TMEM184B: variants seen among roughly 807,000 people sequenced by gnomAD.
TMEM184B encodes the protein transmembrane protein 184B, also known as putative MAPK-activating protein FM08.
In TMEM184B, 17 loss-of-function variants were observed where a neutral mutation model predicts 41.8. The ratio of observed to expected loss-of-function variants is 0.41; its 90% confidence interval spans 0.28 to 0.61. TMEM184B has a LOEUF of 0.61. Among genes scored for constraint, TMEM184B ranks in the 20% least tolerant of loss-of-function variants. The pLI is 0.34. For synonymous variants in TMEM184B, 240 were observed against 229.5 expected (o/e 1.05, Z -0.41); for missense variants, 393 against 557.8 (o/e 0.70, Z 2.98).
chr22:38,225,662 C>A lies in TMEM184B; in HGVS notation c.618-69G>T. ...GGGAAGGGGCTCTCCTCGACTGCAC[C>A]ACACACAGTCCCCATGGCTCTCAGC... On this transcript the variant is annotated intron_variant, in intron 6 of 8. Transcript: ENST00000361906. The surrounding 1 kb of genome is among the most constrained non-coding windows in gnomAD (Gnocchi z 4.4). 6.7e-7 allele frequency: 1 copy of A among 1,485,052 alleles called. No homozygotes were observed. Among genetic ancestry groups the A allele is most frequent in the East Asian group, 2.6e-5 (1 of 37,864 alleles). The allele number at this position is 1,485,052 out of a possible 1,614,324, so 92.0% of individuals were successfully genotyped here.
chr22:38,231,939 G>A (rs1020237886), intron 3 of TMEM184B: 1 of 190,062 alleles, frequency 5.3e-6, no homozygotes, highest in Non-Finnish European at 1.1e-5. Context: ...CTCCAGAGTG[G>A]GATCGCACCT....
chr22:38,220,196 C>G lies in TMEM184B; in HGVS notation c.*1273G>C. The G allele has an allele frequency of 1.0e-6, 1 of 985,308 alleles. No individual in the cohort carries two copies. The highest frequency in any genetic ancestry group is 1.2e-6 in the Non-Finnish European group (1 of 829,900). 61.0% of individuals were successfully genotyped at this position (985,308 alleles called of 1,614,324 possible). A position where few individuals can be genotyped will look rare whatever the true frequency, so the allele number is the denominator to read the frequency against. On this transcript the variant is annotated 3_prime_UTR_variant, in exon 9 of 9. Coordinates refer to ENST00000361906, the MANE Select transcript of TMEM184B (RefSeq NM_012264.5). ...CCCAGCCTGCTGGGGGTTCCGGAGG[C>G]CCCAGGTCTAGAGGTGTGGAGGGGG...
At chr22:38,265,595 G>C (rs1186846366) in intron 1 of TMEM184B, among the ~76,000 whole-genome samples, 1 of 152,130 alleles carries the variant, frequency 6.6e-6, no homozygotes, top group Non-Finnish European at 1.5e-5. Flanking sequence ...AGGTTTCAGG[G>C]CAGTTAAAAG....
At position 38,272,953 on chromosome 22, in the gene TMEM184B, GCGGCGCCGCAGCCCCGGAGTCTCCGCC is replaced by G; in HGVS notation, c.-155_-129del. ...CAGCCGGACTCTGCGGGCGGGGCGGGCGGCGCCGCAGCCCCGGAGTCTCCGCCGCCGCCGGCGCGTCCCGGGCCCAGT... is the reference window on the plus strand; with the variant it reads ...CAGCCGGACTCTGCGGGCGGGGCGGGGCCGCCGGCGCGTCCCGGGCCCAGT... On this transcript the variant is annotated 5_prime_UTR_variant, in exon 1 of 9. Transcript: ENST00000361906. 1 of 395,354 alleles carries G rather than the reference GCGGCGCCGCAGCCCCGGAGTCTCCGCC, an allele frequency of 2.5e-6. No individual in the cohort carries two copies. The highest frequency in any genetic ancestry group is 3.4e-6 in the Non-Finnish European group (1 of 291,340). 24.5% of individuals were successfully genotyped at this position (395,354 alleles called of 1,614,324 possible).
At position 38,230,671 on chromosome 22, in the gene TMEM184B, G is replaced by A. The variant is rs2091590221; in HGVS notation, c.523C>T (p.Gln175Ter). The stretch of plus-strand genomic sequence containing the variant: ...AGGCAGCTGCTGGGGGCACACACCT[G>A]TTTGCAGAACCTCAGAAATCCGATG... The part of the protein sequence containing the change: ...YSIGFLRFCK[Q>*]ATLQFCVVKP... The change falls in exon 5 of 9, where the codon CAG (glutamine) becomes TAG (stop). Residue 175 changes from glutamine to a stop codon, truncating the protein, a stop_gained and splice_region_variant. Transcript: ENST00000361906. LOFTEE classifies it high-confidence loss of function. 1 of 1,610,054 alleles carries A rather than the reference G, an allele frequency of 6.2e-7. No individual in the cohort carries two copies. The highest frequency in any genetic ancestry group is 1.7e-5 in the Admixed American group (1 of 59,254).
intron 1 of TMEM184B, among the ~76,000 whole-genome samples, chr22:38,262,701 T>A (rs1360019989): frequency 6.6e-6 from 1 of 152,150 alleles, no homozygotes; most frequent in Non-Finnish European, 1.5e-5. Flanking sequence ...GAGGGCTCCA[T>A]CTCTCCAAGG....
Position 38,263,907 on chromosome 22 carries a change from C to T in TMEM184B, c.-59+8977G>A, listed in dbSNP as rs764260932. 4.6e-5 allele frequency among the ~76,000 whole-genome samples: 7 copies of T among 152,164 alleles called. No individual in the cohort carries two copies. In the East Asian group the frequency reaches 5.8e-4, roughly 13 times the overall value. ...GCAATCTTTGCCTCCCAAGTTCAAG[C>T]GATTCTTCTGCCTCAGCCTCCCGAG... On this transcript the variant is annotated intron_variant, in intron 1 of 8. Coordinates refer to ENST00000361906, the MANE Select transcript of TMEM184B (RefSeq NM_012264.5).
At chr22:38,256,748 C>T (rs974234973) in intron 1 of TMEM184B, among the ~76,000 whole-genome samples, 3 of 152,186 alleles carry the variant, frequency 2.0e-5, no homozygotes, top group East Asian at 1.9e-4. Context: ...CAACACTGCG[C>T]AATCTTGTTG....
chr22:38,222,702 G>A, intron 8 of TMEM184B: 1 of 985,794 alleles, frequency 1.0e-6, no homozygotes, highest in Non-Finnish European at 1.2e-6. Context: ...AGGGCAAGGG[G>A]GGCGGGGAGA....
chr22:38,244,707 C>T (rs1435857757), intron 3 of TMEM184B, among the ~76,000 whole-genome samples: 2 of 152,340 alleles, frequency 1.3e-5, no homozygotes, highest in Non-Finnish European at 2.9e-5. Context: ...CTGCCCGCCT[C>T]GGCCTCCCAA....
intron 1 of TMEM184B, among the ~76,000 whole-genome samples, chr22:38,270,552 C>T (rs2092507423): frequency 6.6e-6 from 1 of 152,180 alleles, no homozygotes; most frequent in East Asian, 1.9e-4. Flanking sequence ...CCTCTGCCAA[C>T]CACCTTTTAG....
At chr22:38,258,733 A>G (rs2092324083) in intron 1 of TMEM184B, among the ~76,000 whole-genome samples, 1 of 152,214 alleles carries the variant, frequency 6.6e-6, no homozygotes, top group South Asian at 2.1e-4. Context: ...TAAGGAAGAT[A>G]GTTTTAAAGG....
chr22:38,219,170 T>C (rs2091191914), downstream of TMEM184B: 2 of 800,216 alleles, frequency 2.5e-6, no homozygotes, highest in South Asian at 1.1e-4. Context: ...CCCCCATCAC[T>C]GAAAGGTTAC....
intron 3 of TMEM184B, among the ~76,000 whole-genome samples, chr22:38,235,251 T>C (rs1175654477): frequency 6.6e-6 from 1 of 152,120 alleles, no homozygotes; most frequent in African/African-American, 2.4e-5. Context: ...GACTATCAGC[T>C]TTCCAGTCTC....
chr22:38,246,129 G>A, intron 2 of TMEM184B, 29 bp from the exon 3 acceptor site: 1 of 1,600,796 alleles, frequency 6.2e-7, no homozygotes, highest in Non-Finnish European at 8.5e-7. Flanking sequence ...GGTCAGCTGG[G>A]GACCCTCCTG....
chr22:38,243,066 AAAG>A (rs2091949312), intron 3 of TMEM184B, among the ~76,000 whole-genome samples: 2 of 151,760 alleles, frequency 1.3e-5, no homozygotes, highest in Non-Finnish European at 2.9e-5. Flanking sequence ...AAAAAAAAAA[AAAG>A]CTGGTGAACT....
chr22:38,249,203 G>T (rs2092107937), intron 1 of TMEM184B, among the ~76,000 whole-genome samples: 1 of 152,212 alleles, frequency 6.6e-6, no homozygotes, highest in Non-Finnish European at 1.5e-5. Context: ...AGGCTAGAGT[G>T]CAATGGTGCA....
In TMEM184B at chr22:38,225,387, G is replaced by A. The variant is rs752039105; in HGVS notation, c.787+37C>T. 1.3e-6 allele frequency: 2 copies of A among 1,530,426 alleles called. No individual in the cohort carries two copies. Among genetic ancestry groups the A allele is most frequent in the South Asian group, 1.3e-5 (1 of 76,796 alleles). The allele number at this position is 1,530,426 out of a possible 1,614,324, so 94.8% of individuals were successfully genotyped here. ...CAGCAGGAAGCGCAGAGGACAGGGT[G>A]GCATGGGCAGCCTCCAGGTGCTGGG... On this transcript the variant is annotated intron_variant, in intron 7 of 8. Transcript: ENST00000361906. This position sits in a 1 kb window ranked among gnomAD's most constrained non-coding sequence, Gnocchi z 4.4.
chr22:38,272,757 C>T, intron 1 of TMEM184B, 127 bp downstream of exon 1: 1 of 985,324 alleles, frequency 1.0e-6, no homozygotes, highest in Non-Finnish European at 1.2e-6. Flanking sequence ...GTGCCCTCCC[C>T]GCCCGGGAGC....
Sources: gnomAD v4.1 joint callset for allele counts (sites outside exome capture counted in the v4.1 genomes callset) on GRCh38, gnomAD v4.1.1 for gene constraint, Gnocchi (gnomAD v3.1) non-coding constraint, MANE v1.5 for transcripts, NCBI Gene and HGNC (gene_info 2026-07-23, HGNC 2026-07-21) for gene names.